CNKSR3: variants seen among roughly 807,000 people sequenced by gnomAD.
The protein encoded by CNKSR3 is CNKSR family member 3, also known as connector enhancer of kinase suppressor of ras 3.
A neutral mutation model predicts 67.7 loss-of-function variants in CNKSR3; 36 were observed. That is an observed-to-expected ratio of 0.53 (90% CI 0.41 to 0.70). The LOEUF is 0.70. Among genes scored for constraint, CNKSR3 ranks in the 30% least tolerant of loss-of-function variants. The pLI, the probability that CNKSR3 is intolerant of heterozygous loss-of-function variation, is 0.00. For missense variants in CNKSR3, 630 were observed against 695.2 expected (o/e 0.91, Z 1.05); for synonymous variants, 281 against 271.4 (o/e 1.04, Z -0.35).
chr6:154,410,231 G>A (rs1784881387), intron 12 of CNKSR3, 112 bp downstream of exon 12: 1 of 668,564 alleles, frequency 1.5e-6, no homozygotes, highest in Non-Finnish European at 2.6e-6. Context: ...ACTCAGAAAG[G>A]CCAAGTACTC....
chr6:154,416,688 C>G (rs1234702462), intron 9 of CNKSR3, among the ~76,000 whole-genome samples: 1 of 152,022 alleles, frequency 6.6e-6, no homozygotes, highest in Non-Finnish European at 1.5e-5. Flanking sequence ...GGTGGGTGCC[C>G]AGGTACAAAG....
rs1784715088 is a variant in CNKSR3 at position 154,401,259 on chromosome 6, G to C, written c.*5095C>G. 6.6e-6 allele frequency: 1 copy of C among 152,216 alleles called. No individual in the cohort carries two copies. Among genetic ancestry groups the C allele is most frequent in the African/African-American group, 2.4e-5 (1 of 41,456 alleles). The allele number at this position is 152,216 out of a possible 1,614,324, so 9.4% of individuals were successfully genotyped here. Reference sequence around the variant, plus strand: ...TTAGGAGGCGGAGCTAATACCATAAGTGGGCCTTTGGGAAGTGAGTAGGTC... The same window carrying C: ...TTAGGAGGCGGAGCTAATACCATAACTGGGCCTTTGGGAAGTGAGTAGGTC... On this transcript the variant is annotated 3_prime_UTR_variant, in exon 13 of 13. Coordinates refer to ENST00000607772, the MANE Select transcript of CNKSR3 (RefSeq NM_173515.4).
chr6:154,501,204 G>A (rs768921639), intron 1 of CNKSR3, among the ~76,000 whole-genome samples: 5 of 152,092 alleles, frequency 3.3e-5, no homozygotes, highest in Non-Finnish European at 7.3e-5. Context: ...ACTAGAACTT[G>A]GCTTCACAAA....
chr6:154,447,893 T>G (rs1171864695), intron 2 of CNKSR3, among the ~76,000 whole-genome samples: 3 of 152,166 alleles, frequency 2.0e-5, no homozygotes, highest in Non-Finnish European at 4.4e-5. Context: ...ATAAATGGAT[T>G]AAAAAGACAG....
In CNKSR3 at chr6:154,404,990, C is replaced by T. The variant is rs1784758719; in HGVS notation, c.*1364G>A. On this transcript the variant is annotated 3_prime_UTR_variant, in exon 13 of 13. Coordinates refer to ENST00000607772, the MANE Select transcript of CNKSR3 (RefSeq NM_173515.4). Reference sequence around the variant, plus strand: ...TTCATGGGCTGAATTCCAGGCAGTTCAGCAAACTCAACAATTCCGGTGGTA... The same window carrying T: ...TTCATGGGCTGAATTCCAGGCAGTTTAGCAAACTCAACAATTCCGGTGGTA... 6.6e-6 allele frequency: 1 copy of T among 152,180 alleles called. No homozygotes were observed. Among genetic ancestry groups the T allele is most frequent in the Admixed American group, 6.5e-5 (1 of 15,284 alleles). 9.4% of individuals were successfully genotyped at this position (152,180 alleles called of 1,614,324 possible).
At position 154,433,452 on chromosome 6, in the gene CNKSR3, G is replaced by C. The variant is rs1041199182; in HGVS notation, c.549+14C>G. The C allele has an allele frequency of 2.6e-5, 41 of 1,549,212 alleles. No individual in the cohort carries two copies. Among genetic ancestry groups the C allele is most frequent in the Non-Finnish European group, 3.6e-5 (41 of 1,129,590 alleles). ...AAAATGAATTTTACAATAACTTTTA[G>C]AATGTATACTTACCACAGTTAAAAC... On this transcript the variant is annotated intron_variant, in intron 5 of 12. Transcript: ENST00000607772.
intron 1 of CNKSR3, among the ~76,000 whole-genome samples, chr6:154,483,944 T>C (rs1037805391): frequency 6.6e-6 from 1 of 152,128 alleles, no homozygotes; most frequent in Non-Finnish European, 1.5e-5. Context: ...GGAAAAATGC[T>C]AGGATGTGCC....
chr6:154,451,477 ACACACACAC>A, intron 1 of CNKSR3, among the ~76,000 whole-genome samples: 2 of 70,444 alleles, frequency 2.8e-5, no homozygotes, highest in East Asian at 8.7e-4. Context: ...AAACGCGCAC[ACACACACAC>A]GCACACACGC....
At chr6:154,444,605 CTTTT>C (rs775511533) in intron 2 of CNKSR3, among the ~76,000 whole-genome samples, 1 of 135,842 alleles carries the variant, frequency 7.4e-6, no homozygotes, top group Admixed American at 7.4e-5. Flanking sequence ...AGTGGAGAAA[CTTTT>C]TTTTTTTTTT....
chr6:154,422,531 A>G lies in CNKSR3; in HGVS notation c.920T>C (p.Leu307Pro). 1.9e-6 allele frequency: 3 copies of G among 1,614,184 alleles called. No homozygotes were observed. The highest frequency in any genetic ancestry group is 2.5e-6 in the Non-Finnish European group (3 of 1,180,016). ...FNFTPAPLKN[L>P]RWKPPLVQTS... ...CTGTACAAGAGGTGGCTTCCACCGT[A>G]GGTTTTTCAGGGGAGCAGGAGTAAA... Residue 307 changes from leucine (L) to proline (P), a missense_variant, in exon 9 of 13, where the codon CTA (leucine) becomes CCA (proline). This residue lies in a region of CNKSR3 where 133 missense variants were observed against 190.6 expected (regional missense o/e 0.70). Coordinates refer to ENST00000607772, the MANE Select transcript of CNKSR3 (RefSeq NM_173515.4).
rs6912303 is a variant in CNKSR3, at chr6:154,399,860, C to G, written c.*6494G>C. 1.3e-5 allele frequency: 2 copies of G among 151,868 alleles called. No homozygotes were observed. The highest frequency in any genetic ancestry group is 2.9e-5 in the Non-Finnish European group (2 of 67,976). The allele number at this position is 151,868 out of a possible 1,614,324, so 9.4% of individuals were successfully genotyped here. A position where few individuals can be genotyped will look rare whatever the true frequency, so the allele number is the denominator to read the frequency against. ...GAAATATCTTAAAATCCAGTTTTCA[C>G]CCCTCTAACAATAAAGTTAAATCCT... On this transcript the variant is annotated 3_prime_UTR_variant, in exon 13 of 13. Coordinates refer to ENST00000607772, the MANE Select transcript of CNKSR3 (RefSeq NM_173515.4).
intron 1 of CNKSR3, among the ~76,000 whole-genome samples, chr6:154,487,885 T>C (rs531050527): frequency 3.3e-5 from 5 of 152,182 alleles, no homozygotes; most frequent in Non-Finnish European, 7.3e-5. Flanking sequence ...AACAAACAGA[T>C]GCCATCCTTG....
chr6:154,482,428 T>C (rs967298702), intron 1 of CNKSR3, among the ~76,000 whole-genome samples: 1 of 152,196 alleles, frequency 6.6e-6, no homozygotes, highest in Non-Finnish European at 1.5e-5. Flanking sequence ...ACCTTTCTGT[T>C]CCTAAGAGGC....
intron 1 of CNKSR3, among the ~76,000 whole-genome samples, chr6:154,462,312 C>A (rs1317396247): frequency 2.0e-5 from 3 of 150,098 alleles, no homozygotes; most frequent in African/African-American, 7.4e-5. Context: ...CCTGTCTGAC[C>A]CTCAACCCTA....
chr6:154,481,841 G>T (rs117855306), intron 1 of CNKSR3, among the ~76,000 whole-genome samples: 2 of 152,054 alleles, frequency 1.3e-5, no homozygotes, highest in African/African-American at 4.8e-5. Context: ...TTCTACTCCC[G>T]GGACAACTGC....
Position 154,442,159 on chromosome 6 carries a change from G to C in CNKSR3, c.348C>G (p.Ala116=). ...CCACCGAGGTCAGGAACTCATTGGGGGCCTTGCGGGAGGTGTTGCCATCGT... is the reference window on the plus strand; with the variant it reads ...CCACCGAGGTCAGGAACTCATTGGGCGCCTTGCGGGAGGTGTTGCCATCGT... The part of the protein sequence containing the change: ...PAYDGNTSRK[A]PNEFLTSVVE... The change falls in exon 3 of 13, where the codon GCC becomes GCG. Residue 116 remains alanine, a synonymous_variant. Coordinates refer to ENST00000607772, the MANE Select transcript of CNKSR3 (RefSeq NM_173515.4). The C allele has an allele frequency of 6.2e-7, 1 of 1,614,178 alleles. No homozygotes were observed. Among genetic ancestry groups the C allele is most frequent in the Non-Finnish European group, 8.5e-7 (1 of 1,180,012 alleles).
chr6:154,467,917 G>A (rs1316178256), intron 1 of CNKSR3, among the ~76,000 whole-genome samples: 2 of 150,986 alleles, frequency 1.3e-5, no homozygotes, highest in Non-Finnish European at 2.9e-5. Context: ...CCACTACCAC[G>A]CCCGGCTAAT....
At chr6:154,454,722 A>G (rs1785914927) in intron 1 of CNKSR3, among the ~76,000 whole-genome samples, 1 of 151,512 alleles carries the variant, frequency 6.6e-6, no homozygotes, top group Admixed American at 6.6e-5. Flanking sequence ...AGGTCTCCCT[A>G]TGTTGCCCAG....
At chr6:154,473,357 T>C (rs1284421992) in intron 1 of CNKSR3, among the ~76,000 whole-genome samples, 2 of 152,228 alleles carry the variant, frequency 1.3e-5, no homozygotes, top group Non-Finnish European at 2.9e-5. Flanking sequence ...AAATTTGATG[T>C]GTTCATCATA....
Sources: gnomAD v4.1 joint callset for allele counts (sites outside exome capture counted in the v4.1 genomes callset) on GRCh38, gnomAD v4.1.1 for gene constraint, gnomAD v4.1.1 regional missense constraint, MANE v1.5 for transcripts, NCBI Gene and HGNC (gene_info 2026-07-23, HGNC 2026-07-21) for gene names.